Variants in PPP3CA observed in about 807,000 individuals in gnomAD.
PPP3CA encodes the protein protein phosphatase 3 catalytic subunit alpha.
In PPP3CA, 14 loss-of-function variants were observed where a neutral mutation model predicts 66.5. The observed-to-expected ratio is 0.21, with a 90% confidence interval of 0.14 to 0.33. The LOEUF (loss-of-function observed/expected upper bound fraction) is 0.33. PPP3CA is among the 10% of genes least tolerant of loss of function. PPP3CA has a pLI of 1.00. For synonymous variants in PPP3CA, 232 were observed against 226.2 expected (o/e 1.03, Z -0.23); for missense variants, 317 against 639.5 (o/e 0.50, Z 5.44).
chr4:101,101,560 A>G (rs896945441), intron 3 of PPP3CA, among the ~76,000 whole-genome samples: 2 of 152,122 alleles, frequency 1.3e-5, no homozygotes, highest in African/African-American at 2.4e-5. Flanking sequence ...TGAAATTGCT[A>G]TTTTGAATAT....
chr4:101,216,058 T>C (rs951407036), intron 1 of PPP3CA, among the ~76,000 whole-genome samples: 1 of 152,138 alleles, frequency 6.6e-6, no homozygotes, highest in African/African-American at 2.4e-5. Context: ...AAATCTTAAA[T>C]GTTTATTCCA....
chr4:101,170,270 G>GAA (rs33919153), intron 2 of PPP3CA, among the ~76,000 whole-genome samples: 2 of 149,586 alleles, frequency 1.3e-5, no homozygotes, highest in African/African-American at 4.9e-5. Flanking sequence ...ACATAGAAAA[G>GAA]AAAAAAAAAA....
intron 1 of PPP3CA, among the ~76,000 whole-genome samples, chr4:101,204,920 A>T (rs966382540): frequency 7.3e-5 from 11 of 150,020 alleles, no homozygotes; most frequent in African/African-American, 9.9e-5. Context: ...TTTCTTCAAA[A>T]ATATATATAT....
At chr4:101,276,884 A>G (rs1162423610) in intron 1 of PPP3CA, among the ~76,000 whole-genome samples, 1 of 152,184 alleles carries the variant, frequency 6.6e-6, no homozygotes, top group Non-Finnish European at 1.5e-5. Flanking sequence ...GTTATTATTA[A>G]CTAAAGCCCA....
intron 2 of PPP3CA, among the ~76,000 whole-genome samples, chr4:101,121,769 A>G (rs896383838): frequency 6.6e-6 from 1 of 152,188 alleles, no homozygotes; most frequent in Non-Finnish European, 1.5e-5. Context: ...GTTACAGTAT[A>G]CAAATACAAC....
intron 1 of PPP3CA, among the ~76,000 whole-genome samples, chr4:101,228,242 G>A (rs910294213): frequency 8.6e-5 from 13 of 151,654 alleles, no homozygotes; most frequent in Admixed American, 1.3e-4. Flanking sequence ...CCATGAGACT[G>A]CTCTTTCAGA....
chr4:101,106,453 G>GAAAGAAAGAAAGAA lies in PPP3CA; in HGVS notation c.384+2500_384+2501insTTCTTTCTTTCTTT, dbSNP rs775018059. ...AGAAAGAAAGAAAGAAAGAAAGAAA[G>GAAAGAAAGAAAGAA]AGAAAAGAAAAGAAAAGAAAAGAAA... On this transcript the variant is annotated intron_variant, in intron 3 of 13. Coordinates refer to ENST00000394854, the MANE Select transcript of PPP3CA (RefSeq NM_000944.5). Among the ~76,000 whole-genome samples, 6 of 35,512 alleles carry GAAAGAAAGAAAGAA rather than the reference G, an allele frequency of 1.7e-4. 2 individuals carry two copies. The highest frequency in any genetic ancestry group is 3.2e-4 in the Non-Finnish European group (6 of 19,014). 23.3% of individuals were successfully genotyped at this position (35,512 alleles called of 152,430 possible).
chr4:101,178,312 T>C (rs1724128211), intron 2 of PPP3CA, among the ~76,000 whole-genome samples: 1 of 152,246 alleles, frequency 6.6e-6, no homozygotes, highest in South Asian at 2.1e-4. Context: ...TTTTACTTTA[T>C]ATGCAAATAT....
chr4:101,346,874 T>G lies in PPP3CA; in HGVS notation c.-78A>C, dbSNP rs1730023009. 1.5e-6 allele frequency: 2 copies of G among 1,355,168 alleles called. No individual in the cohort carries two copies. Among genetic ancestry groups the G allele is most frequent in the Non-Finnish European group, 2.0e-6 (2 of 1,005,860 alleles). 83.9% of individuals were successfully genotyped at this position (1,355,168 alleles called of 1,614,324 possible). A position where few individuals can be genotyped will look rare whatever the true frequency, so the allele number is the denominator to read the frequency against. ...CCGACCGGACCGGCGGGCCAGACAC[T>G]CAACGCCGCCGCCGCCGCCGCCGCC... On this transcript the variant is annotated 5_prime_UTR_variant, in exon 1 of 14. Coordinates refer to ENST00000394854, the MANE Select transcript of PPP3CA (RefSeq NM_000944.5).
chr4:101,158,959 G>C (rs1723413650), intron 2 of PPP3CA, among the ~76,000 whole-genome samples: 1 of 152,064 alleles, frequency 6.6e-6, no homozygotes, highest in Non-Finnish European at 1.5e-5. Flanking sequence ...GATAACTAAG[G>C]CTCAAAAATT....
intron 8 of PPP3CA, among the ~76,000 whole-genome samples, chr4:101,072,735 A>T (rs1029922883): frequency 1.3e-5 from 2 of 151,924 alleles, no homozygotes; most frequent in Admixed American, 1.3e-4. Context: ...TGAAGATTTT[A>T]AAAAATATGG....
At chr4:101,289,192 T>C (rs920560) in intron 1 of PPP3CA, among the ~76,000 whole-genome samples, 41,132 of 152,092 alleles carry the variant, frequency 0.27, 7,151 homozygotes, top group East Asian at 0.48. Context: ...CAGATAAAAT[T>C]TGCATTTTAT....
intron 1 of PPP3CA, among the ~76,000 whole-genome samples, chr4:101,280,548 G>A (rs866179468): frequency 3.3e-5 from 5 of 152,098 alleles, no homozygotes; most frequent in Admixed American, 1.3e-4. Flanking sequence ...GACCAGGTGT[G>A]GTGGCTCATG....
At chr4:101,245,974 T>C (rs1006714116) in intron 1 of PPP3CA, among the ~76,000 whole-genome samples, 2 of 152,080 alleles carry the variant, frequency 1.3e-5, no homozygotes, top group African/African-American at 4.8e-5. Flanking sequence ...CCAACCCAGT[T>C]GCTCATGTTG....
intron 1 of PPP3CA, among the ~76,000 whole-genome samples, chr4:101,318,779 C>A (rs1026800715): frequency 6.6e-6 from 1 of 152,082 alleles, no homozygotes; most frequent in Non-Finnish European, 1.5e-5. Context: ...TGATAGTCAG[C>A]ATTCTGTTTT....
intron 1 of PPP3CA, among the ~76,000 whole-genome samples, chr4:101,244,107 C>G (rs1222936281): frequency 6.6e-6 from 1 of 152,092 alleles, no homozygotes; most frequent in African/African-American, 2.4e-5. Context: ...ATATTTGAAC[C>G]ATGAAAGGAA....
intron 2 of PPP3CA, among the ~76,000 whole-genome samples, chr4:101,187,353 C>A (rs1237549492): frequency 6.6e-6 from 1 of 152,030 alleles, no homozygotes; most frequent in Non-Finnish European, 1.5e-5. Flanking sequence ...GGCTCATTGC[C>A]ACCACGTCCT....
intron 2 of PPP3CA, among the ~76,000 whole-genome samples, chr4:101,141,119 C>T (rs1287400750): frequency 1.3e-5 from 2 of 152,054 alleles, no homozygotes; most frequent in Non-Finnish European, 1.5e-5. Context: ...TGGTGGCTCC[C>T]AGTACCTTGG....
In PPP3CA at chr4:101,080,617, C is replaced by T; in HGVS notation, c.870G>A (p.Met290Ile). The T allele has an allele frequency of 6.6e-7, 1 of 1,511,306 alleles. No homozygotes were observed. Among genetic ancestry groups the T allele is most frequent in the Non-Finnish European group, 9.0e-7 (1 of 1,117,058 alleles). 93.6% of individuals were successfully genotyped at this position (1,511,306 alleles called of 1,614,324 possible). Residue 290 changes from methionine to isoleucine, a missense_variant, in exon 8 of 14, where the codon ATG becomes ATA. By Grantham distance (10) the Met-to-Ile change is conservative. Coordinates refer to ENST00000394854, the MANE Select transcript of PPP3CA (RefSeq NM_000944.5). ...AHEAQDAGYRMYRKSQTTGFP... is the reference protein window; with the variant it reads ...AHEAQDAGYRIYRKSQTTGFP... ...AGCCTGTTGTTTGGCTTTTCCTGTA[C>T]ATGCGGTACCTAAAAAGAACAAATA... is the stretch of plus-strand genomic sequence containing the variant.
Sources: allele counts gnomAD v4.1 joint callset (sites outside exome capture counted in the v4.1 genomes callset), GRCh38; gene constraint gnomAD v4.1.1; transcripts MANE v1.5; gene names NCBI Gene and HGNC (gene_info 2026-07-23, HGNC 2026-07-21).